Variants in DGAT2 observed in about 807,000 individuals in gnomAD.
DGAT2 encodes the protein diacylglycerol O-acyltransferase 2.
A neutral mutation model predicts 48.4 loss-of-function variants in DGAT2; 33 were observed. That is an observed-to-expected ratio of 0.68 (90% CI 0.52 to 0.91). The LOEUF is 0.91. Ranked by LOEUF, DGAT2 falls within the 40% of genes least tolerant of loss-of-function variation. DGAT2 has a pLI of 0.00. For missense variants in DGAT2, 446 were observed against 493.7 expected (o/e 0.90, Z 0.92); for synonymous variants, 191 against 194.1 (o/e 0.98, Z 0.13).
intron 6 of DGAT2, among the ~76,000 whole-genome samples, chr11:75,797,966 A>G (rs1466460018): frequency 6.6e-6 from 1 of 152,236 alleles, no homozygotes; most frequent in African/African-American, 2.4e-5. Flanking sequence ...GGTGGAAAAC[A>G]GGCATTCCAG....
At position 75,796,437 on chromosome 11, in the gene DGAT2, A is replaced by C. The variant is rs752746208; in HGVS notation, c.539A>C (p.Glu180Ala). ...TGCAACTTCAGCACAGAGGCCACAG[A>C]AGTGAGCAAGAAGTTCCCAGGCATA... Reference protein sequence around the residue: ...AFCNFSTEATEVSKKFPGIRP... With the variant: ...AFCNFSTEATAVSKKFPGIRP... The change falls in exon 5 of 8, where the codon GAA becomes GCA. Residue 180 changes from glutamate to alanine, a missense_variant. By Grantham distance (107) the Glu-to-Ala change is moderately radical. Transcript: ENST00000228027. The C allele has an allele frequency of 3.7e-6, 6 of 1,614,152 alleles. No individual in the cohort carries two copies. The highest frequency in any genetic ancestry group is 3.4e-6 in the Non-Finnish European group (4 of 1,180,036).
intron 1 of DGAT2, among the ~76,000 whole-genome samples, chr11:75,778,015 A>G (rs561652405): frequency 6.6e-6 from 1 of 152,364 alleles, no homozygotes; most frequent in African/African-American, 2.4e-5. Flanking sequence ...CCTCTGAGGC[A>G]GGACATCATC....
chr11:75,790,578 T>G, intron 3 of DGAT2, 83 bp from the exon 4 acceptor site: 1 of 1,303,972 alleles, frequency 7.7e-7, no homozygotes, highest in South Asian at 1.2e-5. Flanking sequence ...GTCACCTGCT[T>G]GGGTTTCACA....
rs754138823 is a variant in DGAT2 at position 75,796,302 on chromosome 11, C to T, written c.430-26C>T. 4 of 1,605,862 alleles carry T rather than the reference C, an allele frequency of 2.5e-6. No homozygotes were observed. In the East Asian group the frequency reaches 8.9e-5, roughly 36 times the overall value. On this transcript the variant is annotated intron_variant, in intron 4 of 7. Transcript: ENST00000228027. ...CCGGTATCCCTCTCCCAGCCAGTTT[C>T]CTCTGACCCAAGGTCATCCTTGCAG...
intron 1 of DGAT2, 71 bp from the exon 2 acceptor site, chr11:75,784,547 G>A (rs996128174): frequency 4.4e-5 from 69 of 1,585,522 alleles, no homozygotes; most frequent in Non-Finnish European, 5.7e-5. Flanking sequence ...TGTGGGAGGT[G>A]AGGTTTGTAC....
At chr11:75,783,281 C>T (rs1489586622) in intron 1 of DGAT2, among the ~76,000 whole-genome samples, 1 of 152,194 alleles carries the variant, frequency 6.6e-6, no homozygotes, top group East Asian at 1.9e-4. Flanking sequence ...CCCTTTCCCT[C>T]TGATGCATCA....
intron 4 of DGAT2, among the ~76,000 whole-genome samples, chr11:75,791,483 A>G (rs1944989820): frequency 6.6e-6 from 1 of 152,182 alleles, no homozygotes; most frequent in South Asian, 2.1e-4. Flanking sequence ...GTTGGGAGAA[A>G]GTTGCATCAT....
At chr11:75,794,996 C>T (rs538240845) in intron 4 of DGAT2, 44 of 136,028 alleles carry the variant, frequency 3.2e-4, no homozygotes, top group African/African-American at 1.2e-3. Context: ...CTCCGTTCCT[C>T]TCCCCTCTCC....
intron 7 of DGAT2, 133 bp from the exon 8 acceptor site, chr11:75,800,220 GC>G: frequency 8.7e-7 from 1 of 1,149,078 alleles, no homozygotes; most frequent in South Asian, 1.6e-5. Context: ...AACCAGAGAT[GC>G]AGCACATAAA....
intron 1 of DGAT2, among the ~76,000 whole-genome samples, chr11:75,772,841 T>G (rs1355470380): frequency 6.6e-6 from 1 of 151,924 alleles, no homozygotes; most frequent in Non-Finnish European, 1.5e-5. Context: ...ATAAAAAAAT[T>G]TAGCCAGGTG....
At chr11:75,772,962 C>T (rs563922462) in intron 1 of DGAT2, among the ~76,000 whole-genome samples, 2 of 152,268 alleles carry the variant, frequency 1.3e-5, no homozygotes, top group South Asian at 2.1e-4. Flanking sequence ...TGCACTCCAG[C>T]GTGGGTAACA....
At chr11:75,778,690 C>T (rs753652612) in intron 1 of DGAT2, among the ~76,000 whole-genome samples, 5 of 151,788 alleles carry the variant, frequency 3.3e-5, no homozygotes, top group African/African-American at 7.3e-5. Flanking sequence ...AATAATTAGC[C>T]GGGCGTTGTG....
Position 75,798,406 on chromosome 11 carries a change from A to G in DGAT2, c.989A>G (p.Tyr330Cys). 1 of 1,613,330 alleles carries G rather than the reference A, an allele frequency of 6.2e-7. No individual in the cohort carries two copies. The highest frequency in any genetic ancestry group is 8.5e-7 in the Non-Finnish European group (1 of 1,179,994). ...TCCGACACCTGGGGGCTGGTGCCCT[A>G]CTCCAAGCCCATCACCACTGTTGGT... ...FSSDTWGLVP[Y>C]SKPITTVVGE... The change falls in exon 7 of 8, where the codon TAC becomes TGC. Residue 330 changes from tyrosine (Y) to cysteine (C), a missense_variant. By Grantham distance (194) the Tyr-to-Cys change is radical. Coordinates refer to ENST00000228027, the MANE Select transcript of DGAT2 (RefSeq NM_032564.5).
At chr11:75,781,554 C>T (rs560700374) in intron 1 of DGAT2, among the ~76,000 whole-genome samples, 2 of 152,362 alleles carry the variant, frequency 1.3e-5, no homozygotes, top group African/African-American at 2.4e-5. Context: ...CTAACGCCCA[C>T]GGAAGCACTT....
At chr11:75,770,799 CT>C (rs58622855) in intron 1 of DGAT2, among the ~76,000 whole-genome samples, 4,879 of 146,896 alleles carry the variant, frequency 0.033, 234 homozygotes, top group African/African-American at 0.11. Flanking sequence ...ATCTTGAAAA[CT>C]TTTTTTTTTT....
chr11:75,789,173 A>C (rs920258318), intron 2 of DGAT2, among the ~76,000 whole-genome samples: 1 of 151,714 alleles, frequency 6.6e-6, no homozygotes, highest in Non-Finnish European at 1.5e-5. Flanking sequence ...CTTTTGAGAC[A>C]GAGATTCCCT....
At chr11:75,796,241 GAC>G in intron 4 of DGAT2, 85 bp from the exon 5 acceptor site, 1 of 1,166,620 alleles carries the variant, frequency 8.6e-7, no homozygotes, top group Non-Finnish European at 1.3e-6. Flanking sequence ...CAGGGGAAAT[GAC>G]ACATCCAATC....
intron 1 of DGAT2, among the ~76,000 whole-genome samples, chr11:75,774,881 C>T (rs914141362): frequency 5.3e-5 from 8 of 152,150 alleles, no homozygotes; most frequent in Non-Finnish European, 8.8e-5. Flanking sequence ...TGCTTGGTCA[C>T]AGTGGGTGGG....
At chr11:75,797,604 G>A (rs1945071148) in intron 6 of DGAT2, among the ~76,000 whole-genome samples, 1 of 152,218 alleles carries the variant, frequency 6.6e-6, no homozygotes, top group Non-Finnish European at 1.5e-5. Flanking sequence ...GGACCACCTG[G>A]GGCCAGAATA....
Sources: allele counts gnomAD v4.1 joint callset (sites outside exome capture counted in the v4.1 genomes callset), GRCh38; gene constraint gnomAD v4.1.1; transcripts MANE v1.5; gene names NCBI Gene and HGNC (gene_info 2026-07-23, HGNC 2026-07-21).